Variants in SNW1 observed in about 807,000 individuals in gnomAD.
SNW1 encodes SNW domain containing 1.
In SNW1, 9 loss-of-function variants were observed where a neutral mutation model predicts 75.6. That is an observed-to-expected ratio of 0.12 (90% CI 0.07 to 0.21). SNW1 has a LOEUF of 0.21. Among genes scored for constraint, SNW1 ranks in the 10% least tolerant of loss-of-function variants. The pLI, the probability that SNW1 is intolerant of heterozygous loss-of-function variation, is 1.00. For synonymous variants in SNW1, 200 were observed against 219.1 expected (o/e 0.91, Z 0.77); for missense variants, 409 against 670.9 (o/e 0.61, Z 4.31).
intron 9 of SNW1, among the ~76,000 whole-genome samples, chr14:77,732,185 A>C (rs1160151165): frequency 2.6e-5 from 4 of 152,274 alleles, no homozygotes; most frequent in Admixed American, 6.5e-5. Context: ...AAATAGAGGA[A>C]AATTTGAAAT....
At chr14:77,760,539 G>C (rs886883332) in intron 1 of SNW1, 1 of 648,466 alleles carries the variant, frequency 1.5e-6, no homozygotes, top group Non-Finnish European at 2.8e-6. Flanking sequence ...TCTATCTACG[G>C]AAGAAATTCT....
At chr14:77,720,878 G>A in intron 11 of SNW1, 50 bp from the exon 12 acceptor site, 1 of 1,121,606 alleles carries the variant, frequency 8.9e-7, no homozygotes, top group South Asian at 1.3e-5. Flanking sequence ...TAGACAAGCT[G>A]AATATGTTCA....
intron 2 of SNW1, among the ~76,000 whole-genome samples, chr14:77,753,987 T>A (rs1249824347): frequency 2.0e-5 from 3 of 151,848 alleles, no homozygotes; most frequent in East Asian, 1.9e-4. Context: ...TTAATTAATG[T>A]AAAGGATCCT....
intron 1 of SNW1, 109 bp from the exon 2 acceptor site, chr14:77,755,229 A>T: frequency 1.2e-5 from 11 of 938,004 alleles, no homozygotes; most frequent in Non-Finnish European, 1.6e-5. Context: ...TTTACTTTTC[A>T]GAAAAAGAGC....
intron 1 of SNW1, among the ~76,000 whole-genome samples, chr14:77,757,025 C>A (rs2080846758): frequency 6.6e-6 from 1 of 152,206 alleles, no homozygotes; most frequent in Admixed American, 6.5e-5. Flanking sequence ...TACAGTGATA[C>A]TCCAAAGTAT....
chr14:77,757,422 C>T (rs552387897), intron 1 of SNW1, among the ~76,000 whole-genome samples: 4 of 152,278 alleles, frequency 2.6e-5, no homozygotes, highest in Admixed American at 1.3e-4. Context: ...AATCTGTTTT[C>T]TCATCTGTAA....
At chr14:77,723,928 A>G (rs1043124954) in intron 10 of SNW1, among the ~76,000 whole-genome samples, 6 of 152,192 alleles carry the variant, frequency 3.9e-5, no homozygotes, top group South Asian at 2.1e-4. Flanking sequence ...AATATTTTTT[A>G]ACCTTAGAAA....
intron 8 of SNW1, 141 bp from the exon 9 acceptor site, chr14:77,732,742 G>T: frequency 1.6e-6 from 1 of 607,384 alleles, no homozygotes; most frequent in East Asian, 2.8e-5. Flanking sequence ...TCGGCTCACT[G>T]CAACCTCTGC....
At chr14:77,720,932 C>T in intron 11 of SNW1, 104 bp from the exon 12 acceptor site, 1 of 742,760 alleles carries the variant, frequency 1.3e-6, no homozygotes, top group Middle Eastern at 2.5e-4. Context: ...GTGAATATGT[C>T]ACATTCACAT....
In SNW1 at chr14:77,750,145, G is replaced by A. The variant is rs961975006; in HGVS notation, c.330+1174C>T. On this transcript the variant is annotated intron_variant, in intron 3 of 13. Coordinates refer to ENST00000261531, the MANE Select transcript of SNW1 (RefSeq NM_012245.3). ...GAGCCCAGGAGGTCGAGGCTTCAGT[G>A]AGCCATCATCGTGCCACTGCACTCC... Among the ~76,000 whole-genome samples, 31 of 152,294 alleles carry A rather than the reference G, an allele frequency of 2.0e-4. 1 individual carries two copies. The East Asian group carries it at 5.4e-3, about 27-fold the overall frequency.
chr14:77,727,852 T>C (rs138428344), intron 10 of SNW1, among the ~76,000 whole-genome samples: 1,547 of 152,332 alleles, frequency 0.01, 83 homozygotes, highest in Admixed American at 0.08. Flanking sequence ...TGTGGTTTTC[T>C]TTTTTGTTGT....
At chr14:77,751,835 CACACACACACCACA>C (rs754622352) in intron 2 of SNW1, among the ~76,000 whole-genome samples, 5 of 115,336 alleles carry the variant, frequency 4.3e-5, no homozygotes, top group South Asian at 2.9e-4. Context: ...CACACACACA[CACACACACACCACA>C]CACACACACA....
chr14:77,743,810 A>G (rs913672214), intron 3 of SNW1, among the ~76,000 whole-genome samples: 2 of 152,160 alleles, frequency 1.3e-5, no homozygotes, highest in Admixed American at 1.3e-4. Flanking sequence ...AACATTGTAC[A>G]ATGCTGAAGA....
chr14:77,724,215 A>G (rs186830284), intron 10 of SNW1, among the ~76,000 whole-genome samples: 1 of 152,314 alleles, frequency 6.6e-6, no homozygotes, highest in Non-Finnish European at 1.5e-5. Context: ...ATATATAATC[A>G]TTATACATAT....
chr14:77,745,650 T>C (rs1249405117), intron 3 of SNW1, among the ~76,000 whole-genome samples: 2 of 152,170 alleles, frequency 1.3e-5, no homozygotes, highest in Non-Finnish European at 2.9e-5. Context: ...GAGGTCGCAG[T>C]GAGCTGAGAT....
intron 5 of SNW1, 141 bp from the exon 6 acceptor site, chr14:77,737,216 C>T (rs772608519): frequency 3.0e-5 from 18 of 597,758 alleles, no homozygotes; most frequent in African/African-American, 5.6e-5. Context: ...AATATTTAGA[C>T]AAAGCAGACA....
chr14:77,720,535 C>T (rs1435313919), intron 12 of SNW1, 176 bp downstream of exon 12: 1 of 745,240 alleles, frequency 1.3e-6, no homozygotes, highest in South Asian at 1.4e-5. Context: ...TCTCAGCCCA[C>T]TATAAGAAGT....
In SNW1 at chr14:77,755,007, G is replaced by A. The variant is rs755145409; in HGVS notation, c.128C>T (p.Pro43Leu). ...SLVSSRREPP[P>L]YGYRKGWIPR... ...TATCCAGCCTTTCCGGTATCCGTAC[G>A]GGGGAGGTTCTCTTCGGGAGGAGAC... Residue 43 changes from proline to leucine, a missense_variant, in exon 2 of 14, where the codon CCG becomes CTG. This residue lies in a region of SNW1 where 73 missense variants were observed against 68.3 expected (regional missense o/e 1.07). Transcript: ENST00000261531. 2.1e-5 allele frequency: 34 copies of A among 1,609,342 alleles called. No homozygotes were observed. Among genetic ancestry groups the A allele is most frequent in the African/African-American group, 6.7e-5 (5 of 74,806 alleles).
chr14:77,739,580 C>T (rs535909775), intron 3 of SNW1, among the ~76,000 whole-genome samples: 1 of 151,520 alleles, frequency 6.6e-6, no homozygotes, highest in African/African-American at 2.4e-5. Flanking sequence ...AGTTAAAAAA[C>T]CCAGAATGCT....
Sources: allele counts gnomAD v4.1 joint callset (sites outside exome capture counted in the v4.1 genomes callset), GRCh38; gene constraint gnomAD v4.1.1; regional missense constraint gnomAD v4.1.1; transcripts MANE v1.5; gene names NCBI Gene and HGNC (gene_info 2026-07-23, HGNC 2026-07-21).